IBTK: variants seen among roughly 807,000 people sequenced by gnomAD.
The protein encoded by IBTK is inhibitor of Bruton tyrosine kinase, also known as BTK-binding protein.
Under a neutral mutation model 154.9 loss-of-function variants are expected in IBTK, and 83 were observed. That is an observed-to-expected ratio of 0.54 (90% CI 0.45 to 0.64). The LOEUF (loss-of-function observed/expected upper bound fraction) is 0.64. IBTK is among the 30% of genes least tolerant of loss of function. The pLI, the probability that IBTK is intolerant of heterozygous loss-of-function variation, is 0.00. For synonymous variants in IBTK, 515 were observed against 536.1 expected (o/e 0.96, Z 0.54); for missense variants, 1,332 against 1,584.6 (o/e 0.84, Z 2.71).
chr6:82,180,963 G>A (rs1316518094), intron 26 of IBTK, among the ~76,000 whole-genome samples: 2 of 152,186 alleles, frequency 1.3e-5, no homozygotes, highest in Non-Finnish European at 2.9e-5. Context: ...TGTCACCCAT[G>A]CTGGAGTGCA....
In IBTK at chr6:82,227,199, G is replaced by T; in HGVS notation, c.647C>A (p.Thr216Lys). ...GGRLGHGDEQ[T>K]CLVPRLVEGL... Reference sequence around the variant, plus strand: ...TAATGACATTTCAATTACCAAGCATGTCTGTTCATCTCCATGTCCTAATCG... The same window carrying T: ...TAATGACATTTCAATTACCAAGCATTTCTGTTCATCTCCATGTCCTAATCG... Residue 216 changes from threonine (T) to lysine (K), a missense_variant, in exon 5 of 29, where the codon ACA (threonine) becomes AAA (lysine). Around this residue, in one of 3 missense-constraint regions of IBTK, gnomAD observed 114 missense variants for 213.7 expected, o/e 0.53. Transcript: ENST00000306270. The T allele has an allele frequency of 6.3e-7, 1 of 1,599,850 alleles. No homozygotes were observed. Among genetic ancestry groups the T allele is most frequent in the Non-Finnish European group, 8.6e-7 (1 of 1,168,462 alleles).
At chr6:82,182,104 T>C (rs1391371417) in intron 25 of IBTK, 76 bp from the exon 26 acceptor site, 4 of 1,397,674 alleles carry the variant, frequency 2.9e-6, no homozygotes, top group Non-Finnish European at 3.9e-6. Flanking sequence ...AAGAGAACAA[T>C]AAGAACGTAT....
In IBTK at chr6:82,224,195, G is replaced by A. The variant is rs763272546; in HGVS notation, c.826-10C>T. 6.3e-7 allele frequency: 1 copy of A among 1,590,014 alleles called. No individual in the cohort carries two copies. The highest frequency in any genetic ancestry group is 8.6e-7 in the Non-Finnish European group (1 of 1,158,858). On this transcript the variant is annotated splice_polypyrimidine_tract_variant and intron_variant, in intron 6 of 28. Coordinates refer to ENST00000306270, the MANE Select transcript of IBTK (RefSeq NM_015525.4). ...GATATTTTGCCTGTATCTATTTAAA[G>A]ACAAATAAAACTGCAATTTACTATA...
chr6:82,191,497 C>T, intron 24 of IBTK: 1 of 561,260 alleles, frequency 1.8e-6, no homozygotes, highest in Non-Finnish European at 3.1e-6. Flanking sequence ...GAACTTGCAT[C>T]ACAAGCCTTA....
chr6:82,218,436 A>G (rs1480556912), intron 9 of IBTK, among the ~76,000 whole-genome samples: 1 of 152,216 alleles, frequency 6.6e-6, no homozygotes, highest in African/African-American at 2.4e-5. Flanking sequence ...CAGATGTGCT[A>G]CAATGCTAAA....
At chr6:82,182,169 C>T in intron 25 of IBTK, 141 bp from the exon 26 acceptor site, 2 of 737,420 alleles carry the variant, frequency 2.7e-6, no homozygotes, top group Non-Finnish European at 4.3e-6. Context: ...TGGATTCTTG[C>T]TGCCAATTGT....
rs1289363617 is a variant in IBTK at position 82,225,488 on chromosome 6, C to T, written c.814G>A (p.Val272Ile). ...AGAGTAAAGCTTACCTGTCTGGGTA[C>T]ATTACAACTGGAAGGCGGTGGAATA... ...GIIPPPSSCNVPRQIQAKYLK... is the reference protein window; with the variant it reads ...GIIPPPSSCNIPRQIQAKYLK... The change falls in exon 6 of 29, where the codon GTA (valine) becomes ATA (isoleucine). Residue 272 changes from valine to isoleucine, a missense_variant. Coordinates refer to ENST00000306270, the MANE Select transcript of IBTK (RefSeq NM_015525.4). 6.2e-7 allele frequency: 1 copy of T among 1,612,610 alleles called. No individual in the cohort carries two copies. The highest frequency in any genetic ancestry group is 1.7e-5 in the Admixed American group (1 of 59,862).
At chr6:82,200,897 A>G (rs1157434669) in intron 19 of IBTK, among the ~76,000 whole-genome samples, 189 bp from the exon 20 acceptor site, 1 of 151,488 alleles carries the variant, frequency 6.6e-6, no homozygotes, top group Admixed American at 6.6e-5. Flanking sequence ...CACCACACCC[A>G]GCCTAAAGAT....
In IBTK at chr6:82,211,425, A is replaced by G. The variant is rs1383302376; in HGVS notation, c.2375-21T>C. The G allele has an allele frequency of 1.7e-5, 27 of 1,606,346 alleles. 1 individual carries two copies. The Admixed American group carries it at 4.0e-4, about 24-fold the overall frequency. On this transcript the variant is annotated intron_variant, in intron 14 of 28. Transcript: ENST00000306270. Reference sequence around the variant, plus strand: ...ATATTCTAAAAGAAAAAAAAGTTCAATGCAATAAGAATAGTGAAACAATAC... The same window carrying G: ...ATATTCTAAAAGAAAAAAAAGTTCAGTGCAATAAGAATAGTGAAACAATAC...
At chr6:82,242,493 T>G (rs1181236882) in intron 1 of IBTK, among the ~76,000 whole-genome samples, 4 of 152,200 alleles carry the variant, frequency 2.6e-5, no homozygotes, top group African/African-American at 9.7e-5. Context: ...CGATTATTTT[T>G]AATGGCAAAA....
In IBTK at chr6:82,195,590, A is replaced by AT. The variant is rs546299746; in HGVS notation, c.3174+707_3174+708insA. ...TGAGAGACCCTGTCTCAAAAAAAAAAATCAAATCAATCCTTGAGGCCTAAA... is the reference window on the plus strand; with the variant it reads ...TGAGAGACCCTGTCTCAAAAAAAAAATATCAAATCAATCCTTGAGGCCTAAA... On this transcript the variant is annotated intron_variant, in intron 22 of 28. Coordinates refer to ENST00000306270, the MANE Select transcript of IBTK (RefSeq NM_015525.4). Among the ~76,000 whole-genome samples the AT allele has an allele frequency of 3.6e-4, 55 of 152,214 alleles. 1 individual carries two copies. In the South Asian group the frequency reaches 0.011, roughly 32 times the overall value.
In IBTK at chr6:82,181,925, C is replaced by CT; in HGVS notation, c.3678dup (p.Val1227SerfsTer4). 1 of 1,588,732 alleles carries CT rather than the reference C, an allele frequency of 6.3e-7. No homozygotes were observed. Among genetic ancestry groups the CT allele is most frequent in the East Asian group, 2.3e-5 (1 of 44,214 alleles). On this transcript the variant is annotated frameshift_variant, in exon 26 of 29. Coordinates refer to ENST00000306270, the MANE Select transcript of IBTK (RefSeq NM_015525.4). LOFTEE classifies it high-confidence loss of function. ...GAATTTTCAATTCCTTTAAAAGAAA[C>CT]TTTTTTGACATGATCGCCTGAACTA...
chr6:82,225,624 C>A lies in IBTK; in HGVS notation c.678G>T (p.Leu226=). ...TCLVPRLVEG[L]NGHNCSQVAA... is the part of the protein sequence containing the mutation. ...CCACTTGGGAACAATTATGACCATT[C>A]AGTCCTTCCACAAGCCGAGGGACCT... The change falls in exon 6 of 29, where the codon CTG becomes CTT. Residue 226 remains leucine, a synonymous_variant. Coordinates refer to ENST00000306270, the MANE Select transcript of IBTK (RefSeq NM_015525.4). 6.2e-7 allele frequency: 1 copy of A among 1,611,194 alleles called. No homozygotes were observed. Among genetic ancestry groups the A allele is most frequent in the Non-Finnish European group, 8.5e-7 (1 of 1,179,206 alleles).
chr6:82,193,570 T>C (rs1768862744), intron 23 of IBTK, among the ~76,000 whole-genome samples: 1 of 152,224 alleles, frequency 6.6e-6, no homozygotes, highest in Admixed American at 6.5e-5. Flanking sequence ...AATATGTCAA[T>C]TAACAGTTTT....
At chr6:82,206,229 T>C (rs538729377) in intron 16 of IBTK, among the ~76,000 whole-genome samples, 12 of 152,274 alleles carry the variant, frequency 7.9e-5, no homozygotes, top group African/African-American at 1.4e-4. Flanking sequence ...GGGAATCACA[T>C]TGACAGCCTA....
At chr6:82,189,931 A>G (rs1768700053) in intron 25 of IBTK, among the ~76,000 whole-genome samples, 1 of 152,188 alleles carries the variant, frequency 6.6e-6, no homozygotes, top group South Asian at 2.1e-4. Context: ...TGCAGCAGTC[A>G]TATCATAAAC....
chr6:82,220,315 CTT>C (rs1770051337), intron 9 of IBTK, among the ~76,000 whole-genome samples: 1 of 152,172 alleles, frequency 6.6e-6, no homozygotes, highest in Non-Finnish European at 1.5e-5. Context: ...ATCAAAATCT[CTT>C]TTCATTTTAA....
In IBTK at chr6:82,210,181, T is replaced by G. The variant is rs188380124; in HGVS notation, c.2509+633A>C. On this transcript the variant is annotated intron_variant, in intron 16 of 28. Coordinates refer to ENST00000306270, the MANE Select transcript of IBTK (RefSeq NM_015525.4). ...TTTTTAATCTGTTTCTTTCAAGATGTGTAACCACAAAGGGGAAAAACAGGT... is the reference window on the plus strand; with the variant it reads ...TTTTTAATCTGTTTCTTTCAAGATGGGTAACCACAAAGGGGAAAAACAGGT... Among the ~76,000 whole-genome samples the G allele has an allele frequency of 4.9e-4, 74 of 152,330 alleles. 1 individual carries two copies. The highest frequency in any genetic ancestry group is 1.7e-3 in the African/African-American group (69 of 41,586).
At chr6:82,190,062 C>T (rs1009576749) in intron 25 of IBTK, among the ~76,000 whole-genome samples, 2 of 152,134 alleles carry the variant, frequency 1.3e-5, no homozygotes, top group African/African-American at 4.8e-5. Flanking sequence ...CTGCTAAGCT[C>T]ATCCTCTCCA....
Sources: allele counts gnomAD v4.1 joint callset (sites outside exome capture counted in the v4.1 genomes callset), GRCh38; gene constraint gnomAD v4.1.1; regional missense constraint gnomAD v4.1.1; transcripts MANE v1.5; gene names NCBI Gene and HGNC (gene_info 2026-07-23, HGNC 2026-07-21).